The following SCFD2 variants were observed in gnomAD, a reference collection of about 807,000 sequenced individuals.
The protein encoded by SCFD2 is sec1 family domain containing 2.
Under a neutral mutation model 58.9 loss-of-function variants are expected in SCFD2, and 54 were observed. The observed-to-expected ratio is 0.92, with a 90% CI of 0.74 to 1.15. The LOEUF is 1.15. Among genes scored for constraint, SCFD2 ranks in the 50% most tolerant of loss-of-function variants. The pLI, the probability that SCFD2 is intolerant of heterozygous loss-of-function variation, is 0.00. For synonymous variants in SCFD2, 321 were observed against 335.9 expected (o/e 0.96, Z 0.49); for missense variants, 805 against 836.6 (o/e 0.96, Z 0.47).
chr4:53,123,073 T>C (rs2148893605), intron 5 of SCFD2, among the ~76,000 whole-genome samples: 1 of 152,332 alleles, frequency 6.6e-6, no homozygotes, highest in African/African-American at 2.4e-5. Context: ...ACTACTTTGC[T>C]GACCCACTCT....
intron 6 of SCFD2, among the ~76,000 whole-genome samples, chr4:52,912,133 A>G (rs1164701797): frequency 6.6e-6 from 1 of 152,170 alleles, no homozygotes; most frequent in Non-Finnish European, 1.5e-5. Context: ...AAGTCTACAA[A>G]CAAAACAAAA....
At chr4:53,081,454 G>A (rs1412408623) in intron 5 of SCFD2, among the ~76,000 whole-genome samples, 1 of 152,002 alleles carries the variant, frequency 6.6e-6, no homozygotes, top group Non-Finnish European at 1.5e-5. Context: ...TTATGTCCAT[G>A]TGTGCTCAAT....
At chr4:53,121,250 A>C (rs1725469517) in intron 5 of SCFD2, among the ~76,000 whole-genome samples, 1 of 152,186 alleles carries the variant, frequency 6.6e-6, no homozygotes, top group Non-Finnish European at 1.5e-5. Flanking sequence ...CTAAGGGCCC[A>C]CACGTAATAC....
chr4:52,968,925 C>T (rs1721028677), intron 5 of SCFD2, among the ~76,000 whole-genome samples: 1 of 152,166 alleles, frequency 6.6e-6, no homozygotes, highest in Admixed American at 6.5e-5. Context: ...CCCATATGTT[C>T]ACTTTCTTGT....
intron 3 of SCFD2, among the ~76,000 whole-genome samples, chr4:53,276,266 C>T (rs1229736344): frequency 2.0e-5 from 3 of 151,964 alleles, no homozygotes; most frequent in East Asian, 1.9e-4. Context: ...AGCAAAAAAG[C>T]GTACAATACA....
At chr4:53,066,007 T>A (rs1577699561) in intron 5 of SCFD2, among the ~76,000 whole-genome samples, 2 of 152,134 alleles carry the variant, frequency 1.3e-5, no homozygotes, top group South Asian at 4.1e-4. Flanking sequence ...TATGAACTTG[T>A]GGCAAGACCA....
At chr4:52,897,139 A>G (rs537592397) in intron 7 of SCFD2, among the ~76,000 whole-genome samples, 8 of 151,562 alleles carry the variant, frequency 5.3e-5, no homozygotes, top group African/African-American at 1.5e-4. Context: ...CTAATTGAAT[A>G]CCCTTTATTT....
rs1461375446 is a variant in SCFD2, at chr4:53,112,098, C to T, written c.1561+33235G>A. On this transcript the variant is annotated intron_variant, in intron 5 of 8. Transcript: ENST00000401642. ...AGAGCTAGGCCGGGAATTTTTATGT[C>T]AATAGATGGAATGGAAGAGAGTTTT... Among the ~76,000 whole-genome samples the T allele has an allele frequency of 2.0e-5, 3 of 152,028 alleles. No homozygotes were observed. In the East Asian group the frequency reaches 5.8e-4, roughly 29 times the overall value.
intron 4 of SCFD2, among the ~76,000 whole-genome samples, chr4:53,185,236 T>C (rs1293218704): frequency 6.6e-6 from 1 of 152,046 alleles, no homozygotes; most frequent in Non-Finnish European, 1.5e-5. Context: ...ACAAAACACC[T>C]TATCTCATGC....
intron 5 of SCFD2, among the ~76,000 whole-genome samples, chr4:53,005,943 T>C (rs1032213830): frequency 6.6e-6 from 1 of 152,122 alleles, no homozygotes; most frequent in African/African-American, 2.4e-5. Flanking sequence ...TGCACTCCAC[T>C]CCACACTCCA....
At chr4:52,973,685 C>T (rs1233334383) in intron 5 of SCFD2, among the ~76,000 whole-genome samples, 1 of 152,206 alleles carries the variant, frequency 6.6e-6, no homozygotes, top group Admixed American at 6.5e-5. Context: ...CAGCATCATC[C>T]TGATACCAAA....
intron 1 of SCFD2, among the ~76,000 whole-genome samples, chr4:53,354,199 A>G (rs1432593596): frequency 6.6e-6 from 1 of 152,214 alleles, no homozygotes; most frequent in East Asian, 1.9e-4. Context: ...GTGCTCGGGC[A>G]TGGCGGGCTG....
At chr4:53,141,403 G>A (rs1726160574) in intron 5 of SCFD2, among the ~76,000 whole-genome samples, 1 of 152,056 alleles carries the variant, frequency 6.6e-6, no homozygotes, top group South Asian at 2.1e-4. Context: ...ACAACCTCTT[G>A]TCTTTTGACA....
chr4:53,145,543 G>A lies in SCFD2; in HGVS notation c.1351C>T (p.Leu451=). ...GTTACAGGCTTAATCATGGGCAGCA[G>A]CTGATTTAACACAACGGACATTGCT... The part of the protein sequence containing the change: ...ESAMSVVLNQ[L]LPMIKPVTQR... Residue 451 remains leucine (L), a synonymous_variant, in exon 5 of 9, where the codon CTG becomes TTG. Transcript: ENST00000401642. The A allele has an allele frequency of 6.2e-7, 1 of 1,614,004 alleles. No individual in the cohort carries two copies. Among genetic ancestry groups the A allele is most frequent in the Middle Eastern group, 1.6e-4 (1 of 6,062 alleles).
intron 5 of SCFD2, among the ~76,000 whole-genome samples, chr4:53,037,766 T>TC: frequency 6.6e-6 from 1 of 152,320 alleles, no homozygotes; most frequent in South Asian, 2.1e-4. Flanking sequence ...GTCTCAGATC[T>TC]GAAGTTGTCT....
At chr4:53,218,825 G>A (rs1276414458) in intron 4 of SCFD2, among the ~76,000 whole-genome samples, 3 of 152,168 alleles carry the variant, frequency 2.0e-5, no homozygotes, top group Non-Finnish European at 2.9e-5. Context: ...GTTTTGGTGT[G>A]GATGTCCTTT....
intron 4 of SCFD2, among the ~76,000 whole-genome samples, chr4:53,228,036 C>A (rs12505661): frequency 0.13 from 20,044 of 152,066 alleles, 1,466 homozygotes; most frequent in East Asian, 0.23. Flanking sequence ...AACTATGTAA[C>A]CTAGGTAAAT....
intron 4 of SCFD2, among the ~76,000 whole-genome samples, chr4:53,229,833 C>T (rs1464765872): frequency 6.6e-6 from 1 of 152,158 alleles, no homozygotes; most frequent in Non-Finnish European, 1.5e-5. Flanking sequence ...AGTGAACAGG[C>T]AACCTACAGA....
At chr4:53,346,888 T>C (rs540470069) in intron 2 of SCFD2, among the ~76,000 whole-genome samples, 3 of 152,278 alleles carry the variant, frequency 2.0e-5, no homozygotes, top group Non-Finnish European at 4.4e-5. Context: ...AAGAAGGAAA[T>C]CATGTTTTTA....
Sources: gnomAD v4.1 joint callset for allele counts (sites outside exome capture counted in the v4.1 genomes callset) on GRCh38, gnomAD v4.1.1 for gene constraint, MANE v1.5 for transcripts, NCBI Gene and HGNC (gene_info 2026-07-23, HGNC 2026-07-21) for gene names.